The following PLEC variants were observed in gnomAD, a reference collection of about 807,000 sequenced individuals.
PLEC encodes plectin.
A neutral mutation model predicts 392.8 loss-of-function variants in PLEC; 216 were observed. The ratio of observed to expected loss-of-function variants is 0.55; its 90% confidence interval spans 0.49 to 0.62. The LOEUF (loss-of-function observed/expected upper bound fraction) is 0.62. Ranked by LOEUF, PLEC falls within the 20% of genes least tolerant of loss-of-function variation. The pLI is 0.00. For synonymous variants in PLEC, 3,621 were observed against 2,980.6 expected (o/e 1.21, Z -7.00); for missense variants, 6,863 against 6,563.4 (o/e 1.05, Z -1.58).
Position 143,920,538 on chromosome 8 carries a change from G to C in PLEC, c.9283C>G (p.Leu3095Val). The C allele has an allele frequency of 1.9e-6, 3 of 1,611,576 alleles. No individual in the cohort carries two copies. Among genetic ancestry groups the C allele is most frequent in the Non-Finnish European group, 2.5e-6 (3 of 1,179,652 alleles). ...GLVGPEFHEK[L>V]LSAEKAVTGY... Reference sequence around the variant, plus strand: ...GTCACAGCCTTCTCGGCTGATAGCAGCTTCTCATGAAACTCGGGGCCCACC... The same window carrying C: ...GTCACAGCCTTCTCGGCTGATAGCACCTTCTCATGAAACTCGGGGCCCACC... Residue 3095 changes from leucine to valine, a missense_variant, in exon 32 of 32, where the codon CTG becomes GTG. Physicochemically the swap from Leu to Val is conservative, Grantham distance 32. Coordinates refer to ENST00000345136, the MANE Select transcript of PLEC (RefSeq NM_201384.3).
chr8:143,925,950 G>A, intron 30 of PLEC, 66 bp from the exon 31 acceptor site: 2 of 1,455,252 alleles, frequency 1.4e-6, no homozygotes, highest in Middle Eastern at 2.3e-4. Flanking sequence ...CGCTGACGGG[G>A]CACGCACCGG....
intron 24 of PLEC, 54 bp from the exon 25 acceptor site, chr8:143,929,335 C>G: frequency 6.3e-7 from 1 of 1,586,532 alleles, no homozygotes; most frequent in East Asian, 2.3e-5. Flanking sequence ...CACACAGCGC[C>G]CCTTGAAGGC....
rs1822921749 is a variant in PLEC, at chr8:143,921,959, G to A, written c.7862C>T (p.Ala2621Val). The stretch of plus-strand genomic sequence containing the variant: ...GCCATTGGGCAGGGTCTTTGTGGCA[G>A]CCACCTGCGAGGCAGTGACCTCCTC... Reference protein sequence around the residue: ...HSEEVTASQVAATKTLPNGRD... With the variant: ...HSEEVTASQVVATKTLPNGRD... Residue 2621 changes from alanine (A) to valine (V), a missense_variant, in exon 32 of 32, where the codon GCT becomes GTT. Physicochemically the swap from Ala to Val is moderately conservative, Grantham distance 64. Coordinates refer to ENST00000345136, the MANE Select transcript of PLEC (RefSeq NM_201384.3). The A allele has an allele frequency of 3.8e-6, 6 of 1,598,936 alleles. No individual in the cohort carries two copies. The highest frequency in any genetic ancestry group is 4.2e-6 in the Non-Finnish European group (5 of 1,179,778).
Position 143,916,776 on chromosome 8 carries a change from T to C in PLEC, c.13045A>G (p.Ile4349Val). 6.2e-7 allele frequency: 1 copy of C among 1,613,304 alleles called. No individual in the cohort carries two copies. Among genetic ancestry groups the C allele is most frequent in the East Asian group, 2.2e-5 (1 of 44,846 alleles). ...GLVDKIMVDR[I>V]NLAQKAFCGF... ...CAGAAGGCCTTCTGGGCCAGGTTGA[T>C]GCGGTCCACCATGATCTTGTCCACC... is the stretch of plus-strand genomic sequence containing the variant. The change falls in exon 32 of 32, where the codon ATC (isoleucine) becomes GTC (valine). Residue 4349 changes from isoleucine (I) to valine (V), a missense_variant. Coordinates refer to ENST00000345136, the MANE Select transcript of PLEC (RefSeq NM_201384.3).
At chr8:143,950,963 C>G, upstream of PLEC, 1 of 665,222 alleles carries the variant, frequency 1.5e-6, no homozygotes, top group East Asian at 3.3e-5. Context: ...GCCGGGCCGG[C>G]CCCCTCTGAC....
At position 143,916,204 on chromosome 8, in the gene PLEC, C is replaced by G. The variant is rs782393009; in HGVS notation, c.13617G>C (p.Leu4539=). ...RRYASGSSAS[L]GGPESAVA ...AGGCCACGGCAGACTCAGGGCCCCC[C>G]AGGGAGGCCGAGGACCCCGAGGCGT... is the stretch of plus-strand genomic sequence containing the variant. The change falls in exon 32 of 32, where the codon CTG becomes CTC. Residue 4539 remains leucine (L), a synonymous_variant. Coordinates refer to ENST00000345136, the MANE Select transcript of PLEC (RefSeq NM_201384.3). The G allele has an allele frequency of 3.2e-6, 5 of 1,543,950 alleles. No homozygotes were observed. Among genetic ancestry groups the G allele is most frequent in the Non-Finnish European group, 4.4e-6 (5 of 1,144,686 alleles).
At chr8:143,926,017 G>T (rs541099141) in intron 30 of PLEC, 133 bp from the exon 31 acceptor site, 30 of 1,051,102 alleles carry the variant, frequency 2.9e-5, no homozygotes, top group Non-Finnish European at 4.1e-5. Flanking sequence ...GCCCCAGCCC[G>T]GCGGAGGAGA....
At chr8:143,959,132 TG>T (rs1317191382) in intron 1 of PLEC, among the ~76,000 whole-genome samples, 30 of 151,924 alleles carry the variant, frequency 2.0e-4, no homozygotes, top group Non-Finnish European at 2.2e-4. Context: ...CGTGTGAGGG[TG>T]AATGCGGACG....
rs3135108 is a variant in PLEC at position 143,930,162 on chromosome 8, G to A, written c.2594C>T (p.Ala865Val). 1.1e-5 allele frequency: 17 copies of A among 1,582,448 alleles called. No homozygotes were observed. Among genetic ancestry groups the A allele is most frequent in the Non-Finnish European group, 1.4e-5 (16 of 1,170,398 alleles). Residue 865 changes from alanine to valine, a missense_variant, in exon 21 of 32, where the codon GCC becomes GTC. Transcript: ENST00000345136. ...CFLVPPPNQE[A>V]QEAVTRLEAQ... ...CACCCACCTGGTGACGGCCTCCTGG[G>A]CCTCCTGGTTGGGCGGGGGCACCAG...
chr8:143,970,029 G>A (rs1554743693), intron 1 of PLEC, among the ~76,000 whole-genome samples: 3 of 152,142 alleles, frequency 2.0e-5, no homozygotes, highest in African/African-American at 7.2e-5. Flanking sequence ...GCCAGCCCTG[G>A]GCCTGCCCAG....
In PLEC at chr8:143,966,099, G is replaced by A. The variant is rs578079369; in HGVS notation, c.70+7304C>T. On this transcript the variant is annotated intron_variant, in intron 1 of 31. Transcript: ENST00000356346. The stretch of plus-strand genomic sequence containing the variant: ...ATCCGACGACACCCCAAGCAGTCCC[G>A]CTGAGGTCCCAACACCCCTCATCAC... Among the ~76,000 whole-genome samples the A allele has an allele frequency of 1.5e-3, 227 of 152,164 alleles. 1 individual carries two copies. The highest frequency in any genetic ancestry group is 5.3e-3 in the African/African-American group (221 of 41,510).
upstream of PLEC, chr8:143,943,717 G>A: frequency 1.4e-6 from 2 of 1,477,504 alleles, no homozygotes; most frequent in Non-Finnish European, 1.9e-6. Context: ...GAATGAAGGG[G>A]CGGGAGGCAG....
Position 143,916,159 on chromosome 8 carries a change from G to A in PLEC, c.*18C>T, listed in dbSNP as rs890358346. ...GCCGGGCTGGGCCGCATGCAGAGCG[G>A]GGTGGGCGCAGGCAGCCTCAGGCCA... is the stretch of plus-strand genomic sequence containing the variant. On this transcript the variant is annotated 3_prime_UTR_variant, in exon 32 of 32. Transcript: ENST00000345136. 3.3e-6 allele frequency: 5 copies of A among 1,525,058 alleles called. No individual in the cohort carries two copies. Among genetic ancestry groups the A allele is most frequent in the East Asian group, 2.5e-5 (1 of 40,472 alleles). The allele number at this position is 1,525,058 out of a possible 1,614,324, so 94.5% of individuals were successfully genotyped here.
rs1554685095 is a variant in PLEC at position 143,921,314 on chromosome 8, T to C, written c.8507A>G (p.Asp2836Gly). The C allele has an allele frequency of 6.2e-7, 1 of 1,613,800 alleles. No individual in the cohort carries two copies. The highest frequency in any genetic ancestry group is 8.5e-7 in the Non-Finnish European group (1 of 1,180,012). The change falls in exon 32 of 32, where the codon GAC becomes GGC. Residue 2836 changes from aspartate (D) to glycine (G), a missense_variant. Coordinates refer to ENST00000345136, the MANE Select transcript of PLEC (RefSeq NM_201384.3). ...CGCCAGGACGCGGTTCATCTCCTCG[T>C]CGAAGTAGCCGCGCCGGTAGGCCAC... The part of the protein sequence containing the change: ...VDVAYRRGYF[D>G]EEMNRVLADP...
chr8:143,921,963 C>T lies in PLEC; in HGVS notation c.7858G>A (p.Val2620Met), dbSNP rs1032949462. The T allele has an allele frequency of 5.6e-6, 9 of 1,598,728 alleles. No homozygotes were observed. The highest frequency in any genetic ancestry group is 2.7e-5 in the African/African-American group (2 of 74,926). Residue 2620 changes from valine (V) to methionine (M), a missense_variant, in exon 32 of 32, where the codon GTG (valine) becomes ATG (methionine). Physicochemically the swap from Val to Met is conservative, Grantham distance 21 (BLOSUM62 1). Transcript: ENST00000345136. ...AHSEEVTASQ[V>M]AATKTLPNGR... is the part of the protein sequence containing the mutation. ...TTGGGCAGGGTCTTTGTGGCAGCCA[C>T]CTGCGAGGCAGTGACCTCCTCTGAG... is the stretch of plus-strand genomic sequence containing the variant.
intron 30 of PLEC, 57 bp from the exon 31 acceptor site, chr8:143,925,941 G>C: frequency 6.7e-7 from 1 of 1,498,048 alleles, no homozygotes; most frequent in Non-Finnish European, 9.0e-7. Context: ...ACGGGCAGGC[G>C]CTGACGGGGC....
chr8:143,976,708 GGCTCCGCTCACTTCA>G (rs1833678494), upstream of PLEC: 1 of 151,980 alleles, frequency 6.6e-6, no homozygotes, highest in South Asian at 2.1e-4. Flanking sequence ...CATGCCTGGT[GGCTCCGCTCACTTCA>G]GCTCTGCCGC....
rs782578320 is a variant in PLEC at position 143,927,669 on chromosome 8, C to T, written c.3497G>A (p.Arg1166Gln). Residue 1166 changes from arginine to glutamine, a missense_variant, in exon 27 of 32, where the codon CGG becomes CAG. By Grantham distance (43) the Arg-to-Gln change is conservative. Transcript: ENST00000345136. ...AQEVGERLQQ[R>Q]HGERDVEVER... ...CACCTCCACGTCCCGCTCCCCGTGC[C>T]GCTGCTGCAGTCGCTCCCCCACCTC... 47 of 1,581,380 alleles carry T rather than the reference C, an allele frequency of 3.0e-5. No individual in the cohort carries two copies. Among genetic ancestry groups the T allele is most frequent in the South Asian group, 1.6e-4 (14 of 87,668 alleles).
chr8:143,916,829 G>C lies in PLEC; in HGVS notation c.12992C>G (p.Pro4331Arg), dbSNP rs199651668. The C allele has an allele frequency of 3.1e-6, 5 of 1,613,032 alleles. No individual in the cohort carries two copies. The South Asian group carries it at 5.5e-5, about 18-fold the overall frequency. ...IIDPSTGERF[P>R]VTDAVNKGLV... is the part of the protein sequence containing the mutation. ...GCCCTTGTTGACGGCGTCGGTGACA[G>C]GGAAGCGCTCACCGGTGCTGGGGTC... is the stretch of plus-strand genomic sequence containing the variant. The change falls in exon 32 of 32, where the codon CCT (proline) becomes CGT (arginine). Residue 4331 changes from proline (P) to arginine (R), a missense_variant. Transcript: ENST00000345136.
Sources: gnomAD v4.1 joint callset for allele counts (sites outside exome capture counted in the v4.1 genomes callset) on GRCh38, gnomAD v4.1.1 for gene constraint, MANE v1.5 for transcripts, NCBI Gene and HGNC (gene_info 2026-07-23, HGNC 2026-07-21) for gene names.